Variants in SLC1A3 observed in about 807,000 individuals in gnomAD.
The protein encoded by SLC1A3 is excitatory amino acid transporter 1.
A neutral mutation model predicts 48.1 loss-of-function variants in SLC1A3; 21 were observed. The observed-to-expected ratio is 0.44, with a 90% CI of 0.31 to 0.63. The LOEUF (loss-of-function observed/expected upper bound fraction) is 0.63. Ranked by LOEUF, SLC1A3 falls within the 20% of genes least tolerant of loss-of-function variation. SLC1A3 has a pLI of 0.08. For synonymous variants in SLC1A3, 239 were observed against 251.4 expected (o/e 0.95, Z 0.47); for missense variants, 546 against 689.0 (o/e 0.79, Z 2.32).
At chr5:36,652,167 G>A (rs190551083) in intron 3 of SLC1A3, among the ~76,000 whole-genome samples, 249 of 152,308 alleles carry the variant, frequency 1.6e-3, no homozygotes, top group African/African-American at 5.6e-3. Context: ...TTCTGCCGTA[G>A]GACATGAAGT....
At chr5:36,662,423 A>T (rs556116111) in intron 3 of SLC1A3, among the ~76,000 whole-genome samples, 1 of 152,128 alleles carries the variant, frequency 6.6e-6, no homozygotes, top group Non-Finnish European at 1.5e-5. Flanking sequence ...GGCTGTTACA[A>T]TGAGGTAGCC....
intron 8 of SLC1A3, among the ~76,000 whole-genome samples, chr5:36,683,257 G>A (rs997128805): frequency 1.3e-5 from 2 of 152,198 alleles, no homozygotes; most frequent in African/African-American, 4.8e-5. Context: ...ATAGCTGCCA[G>A]TTTATTTAAA....
intron 3 of SLC1A3, among the ~76,000 whole-genome samples, chr5:36,650,636 G>A (rs986297406): frequency 6.6e-6 from 1 of 152,084 alleles, no homozygotes; most frequent in Non-Finnish European, 1.5e-5. Context: ...TGTCACCATG[G>A]TATTGTTTAA....
chr5:36,610,242 G>C (rs1166914553), intron 2 of SLC1A3, among the ~76,000 whole-genome samples: 1 of 152,210 alleles, frequency 6.6e-6, no homozygotes, highest in Non-Finnish European at 1.5e-5. Flanking sequence ...GCCAGGAAGA[G>C]AAATACCCTC....
At chr5:36,654,294 G>T (rs995464925) in intron 3 of SLC1A3, among the ~76,000 whole-genome samples, 2 of 152,176 alleles carry the variant, frequency 1.3e-5, no homozygotes, top group Admixed American at 1.3e-4. Context: ...CAATGGAAAT[G>T]TTCTCGTGCT....
intron 8 of SLC1A3, among the ~76,000 whole-genome samples, chr5:36,683,421 T>G (rs1742517432): frequency 2.0e-5 from 3 of 152,014 alleles, no homozygotes; most frequent in Admixed American, 2.0e-4. Flanking sequence ...TTTAATCTCA[T>G]TTACGGGCCA....
At chr5:36,683,834 T>A in intron 8 of SLC1A3, 30 bp from the exon 9 acceptor site, 1 of 1,614,060 alleles carries the variant, frequency 6.2e-7, no homozygotes. Flanking sequence ...TTTGTAAAAG[T>A]GTTTTCTGTT....
At chr5:36,619,033 G>A (rs947421100) in intron 2 of SLC1A3, among the ~76,000 whole-genome samples, 1 of 152,174 alleles carries the variant, frequency 6.6e-6, no homozygotes, top group Non-Finnish European at 1.5e-5. Flanking sequence ...ACATAAGTCC[G>A]TGTCTCCACT....
intron 3 of SLC1A3, among the ~76,000 whole-genome samples, chr5:36,658,879 T>G (rs1314104484): frequency 2.6e-5 from 4 of 152,218 alleles, no homozygotes; most frequent in Non-Finnish European, 5.9e-5. Context: ...ATAAAGCCAC[T>G]ATGTTATGAC....
intron 3 of SLC1A3, chr5:36,669,825 C>G (rs1741911989): frequency 6.6e-6 from 1 of 151,882 alleles, no homozygotes; most frequent in Admixed American, 6.6e-5. Context: ...ATTTAGAGTT[C>G]ACACAAACTC....
intron 3 of SLC1A3, among the ~76,000 whole-genome samples, chr5:36,650,445 T>C (rs1741015084): frequency 6.6e-6 from 1 of 152,254 alleles, no homozygotes; most frequent in South Asian, 2.1e-4. Flanking sequence ...GCCATATTCA[T>C]ACATTGAATT....
intron 4 of SLC1A3, among the ~76,000 whole-genome samples, chr5:36,673,097 A>G (rs1229802623): frequency 6.6e-6 from 1 of 152,154 alleles, no homozygotes; most frequent in Non-Finnish European, 1.5e-5. Flanking sequence ...TCCTGAATGC[A>G]TATTTCTATC....
intron 3 of SLC1A3, among the ~76,000 whole-genome samples, chr5:36,632,964 C>T (rs575864800): frequency 6.6e-6 from 1 of 152,132 alleles, no homozygotes; most frequent in African/African-American, 2.4e-5. Flanking sequence ...AGCCTAATGG[C>T]TAGATTTGTA....
intron 4 of SLC1A3, among the ~76,000 whole-genome samples, chr5:36,673,688 T>A (rs1742084819): frequency 6.6e-6 from 1 of 152,200 alleles, no homozygotes; most frequent in Admixed American, 6.5e-5. Context: ...ATAACCAAAA[T>A]GACCACTGCT....
At chr5:36,685,641 G>A (rs1361237739) in intron 9 of SLC1A3, among the ~76,000 whole-genome samples, 1 of 152,174 alleles carries the variant, frequency 6.6e-6, no homozygotes, top group Non-Finnish European at 1.5e-5. Flanking sequence ...TTAATGTCTG[G>A]CTTAATACAA....
intron 2 of SLC1A3, among the ~76,000 whole-genome samples, chr5:36,611,656 C>A (rs1739203136): frequency 6.6e-6 from 1 of 152,080 alleles, no homozygotes; most frequent in Non-Finnish European, 1.5e-5. Context: ...CCTTAGAGGG[C>A]CCGTCATGAA....
intron 2 of SLC1A3, among the ~76,000 whole-genome samples, chr5:36,617,039 A>T (rs1262688992): frequency 6.6e-6 from 1 of 152,222 alleles, no homozygotes; most frequent in Non-Finnish European, 1.5e-5. Flanking sequence ...ATGGGTGACG[A>T]GGAGCTTGTC....
At chr5:36,613,249 G>A in intron 2 of SLC1A3, 1 of 188,068 alleles carries the variant, frequency 5.3e-6, no homozygotes, top group South Asian at 1.1e-4. Flanking sequence ...GATTTCAAGT[G>A]AATAAGGATC....
intron 5 of SLC1A3, 122 bp from the exon 6 acceptor site, chr5:36,676,770 A>G (rs1561282222): frequency 1.4e-6 from 1 of 739,590 alleles, no homozygotes; most frequent in Non-Finnish European, 2.2e-6. Context: ...TTTCTATAAC[A>G]CTCATCTCTG....
Sources: gnomAD v4.1 joint callset for allele counts (sites outside exome capture counted in the v4.1 genomes callset) on GRCh38, gnomAD v4.1.1 for gene constraint, MANE v1.5 for transcripts, NCBI Gene and HGNC (gene_info 2026-07-23, HGNC 2026-07-21) for gene names.